NAV3: variants seen among roughly 807,000 people sequenced by gnomAD.
The protein encoded by NAV3 is neuron navigator 3.
A neutral mutation model predicts 244.7 loss-of-function variants in NAV3; 87 were observed. That is an observed-to-expected ratio of 0.36 (90% CI 0.30 to 0.42). The LOEUF is 0.42. NAV3 is among the 20% of genes least tolerant of loss of function. The pLI is 1.00. For missense variants in NAV3, 2,663 were observed against 2,893.3 expected (o/e 0.92, Z 1.83); for synonymous variants, 1,126 against 1,042.2 (o/e 1.08, Z -1.55).
chr12:77,771,932 A>G (rs1870112365), intron 2 of NAV3, among the ~76,000 whole-genome samples: 1 of 152,182 alleles, frequency 6.6e-6, no homozygotes, highest in African/African-American at 2.4e-5. Context: ...AAAATTAAAA[A>G]AAAATGTAAC....
intron 2 of NAV3, among the ~76,000 whole-genome samples, chr12:77,761,303 A>G (rs10859320): frequency 0.47 from 71,250 of 152,008 alleles, 16,894 homozygotes; most frequent in Middle Eastern, 0.54. Context: ...CACCCACTTC[A>G]GCCTTCTAAA....
At chr12:77,803,558 C>T (rs916995644) in intron 2 of NAV3, among the ~76,000 whole-genome samples, 2 of 152,202 alleles carry the variant, frequency 1.3e-5, no homozygotes, top group African/African-American at 2.4e-5. Context: ...TCCAAGTCTT[C>T]GCTATTGTGA....
At chr12:78,185,765 T>C (rs1337027922) in intron 31 of NAV3, 67 bp downstream of exon 31, 48 of 1,340,728 alleles carry the variant, frequency 3.6e-5, no homozygotes, top group South Asian at 1.2e-5. Context: ...GTGTATTTTA[T>C]GTGTGAATAT....
intron 2 of NAV3, among the ~76,000 whole-genome samples, chr12:77,771,559 A>C (rs1460400115): frequency 9.2e-5 from 14 of 152,240 alleles, no homozygotes; most frequent in Non-Finnish European, 1.5e-4. Flanking sequence ...TGTGGCACAT[A>C]TACACCATGG....
chr12:77,716,485 T>C (rs1330385005), intron 2 of NAV3, among the ~76,000 whole-genome samples: 1 of 151,950 alleles, frequency 6.6e-6, no homozygotes, highest in African/African-American at 2.4e-5. Context: ...TCATGTTTTA[T>C]GAAAAAAATT....
At chr12:77,677,524 A>G (rs1441110383) in intron 2 of NAV3, among the ~76,000 whole-genome samples, 1 of 152,206 alleles carries the variant, frequency 6.6e-6, no homozygotes, top group Non-Finnish European at 1.5e-5. Flanking sequence ...TCTTGTCCTC[A>G]ACAGAATAAT....
chr12:77,652,387 G>T (rs1037659908), intron 2 of NAV3, among the ~76,000 whole-genome samples: 1 of 152,034 alleles, frequency 6.6e-6, no homozygotes, highest in African/African-American at 2.4e-5. Context: ...TCTCTTTATT[G>T]TACTACTTCT....
At chr12:77,682,866 C>T (rs1874534420) in intron 2 of NAV3, among the ~76,000 whole-genome samples, 1 of 151,814 alleles carries the variant, frequency 6.6e-6, no homozygotes, top group African/African-American at 2.4e-5. Context: ...TGTTTTGTTG[C>T]TGTTGAGGTG....
chr12:77,988,201 C>G (rs1870858650), intron 5 of NAV3, among the ~76,000 whole-genome samples: 1 of 152,186 alleles, frequency 6.6e-6, no homozygotes, highest in Non-Finnish European at 1.5e-5. Flanking sequence ...TTCAGTAAGT[C>G]TGAGATGGGA....
At chr12:77,705,265 A>G (rs1875745645) in intron 2 of NAV3, among the ~76,000 whole-genome samples, 1 of 145,324 alleles carries the variant, frequency 6.9e-6, no homozygotes, top group African/African-American at 2.7e-5. Flanking sequence ...CTAAAAATAC[A>G]AAAAATCAGC....
rs2139069209 is a variant in NAV3 at position 78,140,407 on chromosome 12, G to A, written c.4683+73G>A. ...AGATGATGAAATAGATCATTTTACT[G>A]TGAACAGATCACATTCATCTATGAC... On this transcript the variant is annotated intron_variant, in intron 20 of 39. Transcript: ENST00000397909. 2.4e-6 allele frequency: 3 copies of A among 1,255,392 alleles called. No homozygotes were observed. The South Asian group carries it at 3.6e-5, about 15-fold the overall frequency. 77.8% of individuals were successfully genotyped at this position (1,255,392 alleles called of 1,614,324 possible).
chr12:78,151,943 G>A (rs1438347658), intron 22 of NAV3, among the ~76,000 whole-genome samples: 1 of 151,276 alleles, frequency 6.6e-6, no homozygotes, highest in Non-Finnish European at 1.5e-5. Context: ...AGTATATGAA[G>A]TGTTCTATCA....
chr12:77,578,755 A>T (rs1869211962), intron 2 of NAV3, among the ~76,000 whole-genome samples: 1 of 152,158 alleles, frequency 6.6e-6, no homozygotes, highest in Non-Finnish European at 1.5e-5. Context: ...TAAACAGGCA[A>T]TTTATGGGTG....
chr12:77,742,212 C>T (rs1435906103), intron 2 of NAV3, among the ~76,000 whole-genome samples: 1 of 151,736 alleles, frequency 6.6e-6, no homozygotes, highest in Non-Finnish European at 1.5e-5. Context: ...GAGAGTTTTT[C>T]AAGTTTGATG....
chr12:77,949,150 A>G (rs1890641853), intron 3 of NAV3, among the ~76,000 whole-genome samples: 1 of 152,076 alleles, frequency 6.6e-6, no homozygotes, highest in African/African-American at 2.4e-5. Context: ...TTCAAACATA[A>G]CAAGAAATAC....
At chr12:77,805,361 G>T (rs1201985573) in intron 2 of NAV3, among the ~76,000 whole-genome samples, 10 of 152,168 alleles carry the variant, frequency 6.6e-5, no homozygotes, top group Admixed American at 6.5e-4. Context: ...AGTTTATTGA[G>T]AGTTTTTAGC....
intron 23 of NAV3, among the ~76,000 whole-genome samples, chr12:78,165,106 T>C (rs1327520575): frequency 6.6e-6 from 1 of 152,080 alleles, no homozygotes; most frequent in Non-Finnish European, 1.5e-5. Context: ...CAATTTAGCT[T>C]CTTTAACATG....
At chr12:77,685,789 A>G (rs1312989666) in intron 2 of NAV3, among the ~76,000 whole-genome samples, 1 of 152,220 alleles carries the variant, frequency 6.6e-6, no homozygotes, top group African/African-American at 2.4e-5. Context: ...TTCCATTAAC[A>G]GCTTTCAATG....
intron 23 of NAV3, among the ~76,000 whole-genome samples, chr12:78,164,122 C>G (rs888513268): frequency 4.6e-5 from 7 of 152,010 alleles, no homozygotes; most frequent in African/African-American, 1.7e-4. Flanking sequence ...TCCTTGTGTT[C>G]AAATTTACTA....
Sources: allele counts gnomAD v4.1 joint callset (sites outside exome capture counted in the v4.1 genomes callset), GRCh38; gene constraint gnomAD v4.1.1; transcripts MANE v1.5; gene names NCBI Gene and HGNC (gene_info 2026-07-23, HGNC 2026-07-21).